ARHGAP10: variants seen among roughly 807,000 people sequenced by gnomAD.
ARHGAP10 encodes rho GTPase-activating protein 10.
ARHGAP10 carries 87 observed loss-of-function variants against 108.6 expected under a neutral mutation model. That is an observed-to-expected ratio of 0.80 (90% CI 0.67 to 0.96). The LOEUF (loss-of-function observed/expected upper bound fraction) is 0.96, where lower values mean the gene tolerates loss of function less well. Ranked by LOEUF, ARHGAP10 falls within the 40% of genes least tolerant of loss-of-function variation. The pLI is 0.00. For synonymous variants in ARHGAP10, 347 were observed against 341.1 expected (o/e 1.02, Z -0.19); for missense variants, 939 against 954.5 (o/e 0.98, Z 0.21).
intron 13 of ARHGAP10, among the ~76,000 whole-genome samples, chr4:147,917,922 T>TA (rs1360065864): frequency 6.6e-5 from 10 of 152,146 alleles, no homozygotes; most frequent in African/African-American, 1.9e-4. Flanking sequence ...AAGTTTATTG[T>TA]AAAAAAATCA....
rs781058772 is a variant in ARHGAP10 at position 147,944,226 on chromosome 4, AG to A, written c.1304-2386del. ...GTTATAAAGGATTGCACCTTTAATC[AG>A]GGGGCTTAATTTGATTTCTTGAATG... On this transcript the variant is annotated intron_variant, in intron 14 of 22. Coordinates refer to ENST00000336498, the MANE Select transcript of ARHGAP10 (RefSeq NM_024605.4). Among the ~76,000 whole-genome samples, 98 of 152,320 alleles carry A rather than the reference AG, an allele frequency of 6.4e-4. 3 individuals carry two copies. The highest frequency in any genetic ancestry group is 1.2e-3 in the African/African-American group (48 of 41,582).
At chr4:147,989,328 G>C (rs1740173322) in intron 18 of ARHGAP10, among the ~76,000 whole-genome samples, 1 of 152,250 alleles carries the variant, frequency 6.6e-6, no homozygotes, top group African/African-American at 2.4e-5. Flanking sequence ...ATGAAGTTTT[G>C]GGCACCATTG....
intron 10 of ARHGAP10, among the ~76,000 whole-genome samples, chr4:147,896,785 G>A (rs1232891403): frequency 6.6e-6 from 1 of 151,920 alleles, no homozygotes; most frequent in Non-Finnish European, 1.5e-5. Flanking sequence ...TGTTTCAGCT[G>A]TTTTTATTAT....
rs192515659 is a variant in ARHGAP10 at position 147,898,332 on chromosome 4, A to G, written c.1035-8306A>G. Among the ~76,000 whole-genome samples the G allele has an allele frequency of 1.8e-3, 273 of 152,038 alleles. 6 individuals are homozygous for G. The South Asian group carries it at 0.028, about 16-fold the overall frequency. On this transcript the variant is annotated intron_variant, in intron 10 of 22. Transcript: ENST00000336498. ...TTATACATCTTAAAGAAGTCATTTC[A>G]TTGTCTTCAGGCTTCCGTTTATTTT...
Position 147,940,727 on chromosome 4 carries a change from A to G in ARHGAP10, c.1303+828A>G, listed in dbSNP as rs540427639. The stretch of plus-strand genomic sequence containing the variant: ...TGTGAATGCATTCCAACCTGTCTGC[A>G]TCTTAAAACATTACAGCAAAGAGTC... On this transcript the variant is annotated intron_variant, in intron 14 of 22. Coordinates refer to ENST00000336498, the MANE Select transcript of ARHGAP10 (RefSeq NM_024605.4). Among the ~76,000 whole-genome samples the G allele has an allele frequency of 5.9e-5, 9 of 152,392 alleles. No individual in the cohort carries two copies. In the South Asian group the frequency reaches 1.2e-3, roughly 21 times the overall value.
intron 1 of ARHGAP10, among the ~76,000 whole-genome samples, chr4:147,732,992 C>T (rs1728283124): frequency 6.6e-6 from 1 of 152,304 alleles, no homozygotes; most frequent in African/African-American, 2.4e-5. Context: ...AGTCCTGTTC[C>T]AGGTCCTTCA....
At chr4:147,739,263 A>C (rs1008264515) in intron 1 of ARHGAP10, among the ~76,000 whole-genome samples, 1 of 152,130 alleles carries the variant, frequency 6.6e-6, no homozygotes, top group Non-Finnish European at 1.5e-5. Context: ...TATTTTCTAG[A>C]ATTTATTTTT....
At chr4:147,823,649 C>G (rs1473169611) in intron 3 of ARHGAP10, among the ~76,000 whole-genome samples, 1 of 152,066 alleles carries the variant, frequency 6.6e-6, no homozygotes, top group African/African-American at 2.4e-5. Context: ...CCCAGCTACT[C>G]AGGAGGCTGA....
At chr4:147,941,806 C>T (rs547593454) in intron 14 of ARHGAP10, among the ~76,000 whole-genome samples, 2 of 152,282 alleles carry the variant, frequency 1.3e-5, no homozygotes, top group South Asian at 4.1e-4. Context: ...CCAATACAAA[C>T]CTTAGCCCTT....
intron 1 of ARHGAP10, among the ~76,000 whole-genome samples, chr4:147,747,689 T>G (rs1728993189): frequency 6.6e-6 from 1 of 152,172 alleles, no homozygotes; most frequent in South Asian, 2.1e-4. Flanking sequence ...TAATCTGAAC[T>G]TTTTCTTCCC....
intron 1 of ARHGAP10, among the ~76,000 whole-genome samples, chr4:147,742,785 C>T (rs968648606): frequency 6.6e-6 from 1 of 151,830 alleles, no homozygotes. Flanking sequence ...GTGCCCAGCG[C>T]ATGTTTTTTT....
At chr4:147,937,866 C>A (rs992462999) in intron 13 of ARHGAP10, among the ~76,000 whole-genome samples, 7 of 152,206 alleles carry the variant, frequency 4.6e-5, no homozygotes, top group Admixed American at 2.6e-4. Context: ...GTAATCCCAG[C>A]TACTTGGGAG....
chr4:147,797,704 C>T (rs1180226534), intron 1 of ARHGAP10, among the ~76,000 whole-genome samples: 1 of 152,190 alleles, frequency 6.6e-6, no homozygotes, highest in Non-Finnish European at 1.5e-5. Flanking sequence ...AGCCGTTGCG[C>T]CTGGCCAGCC....
At chr4:147,771,486 T>G (rs1035955971) in intron 1 of ARHGAP10, among the ~76,000 whole-genome samples, 1 of 75,328 alleles carries the variant, frequency 1.3e-5, no homozygotes, top group Non-Finnish European at 4.3e-5. Flanking sequence ...TCTTTTATTT[T>G]AAAATGTATG....
At chr4:148,069,148 T>C (rs1730040382) in intron 22 of ARHGAP10, among the ~76,000 whole-genome samples, 2 of 152,140 alleles carry the variant, frequency 1.3e-5, no homozygotes, top group Non-Finnish European at 2.9e-5. Context: ...TGGGGTTCGA[T>C]GCTACTGAGA....
intron 13 of ARHGAP10, among the ~76,000 whole-genome samples, chr4:147,937,645 C>T (rs1459316876): frequency 6.6e-6 from 1 of 152,172 alleles, no homozygotes; most frequent in Non-Finnish European, 1.5e-5. Flanking sequence ...ATAGCAAAGA[C>T]ATGGACTCAG....
chr4:147,913,865 T>C lies in ARHGAP10; in HGVS notation c.1228+726T>C, dbSNP rs1177610724. Among the ~76,000 whole-genome samples the C allele has an allele frequency of 2.0e-5, 3 of 152,154 alleles. No homozygotes were observed. In the East Asian group the frequency reaches 5.8e-4, roughly 29 times the overall value. ...TTGTGTGGGTCCCTGTTTAAAAAAA[T>C]CAGCTTGCCAGACGTGGTGGCTCAC... On this transcript the variant is annotated intron_variant, in intron 13 of 22. Coordinates refer to ENST00000336498, the MANE Select transcript of ARHGAP10 (RefSeq NM_024605.4).
At chr4:147,787,325 AAC>A (rs1730927599) in intron 1 of ARHGAP10, among the ~76,000 whole-genome samples, 1 of 152,164 alleles carries the variant, frequency 6.6e-6, no homozygotes, top group South Asian at 2.1e-4. Context: ...GCAGGGTTGA[AAC>A]ACACAGATGA....
Position 147,985,060 on chromosome 4 carries a change from G to T in ARHGAP10, c.1716+18221G>T, listed in dbSNP as rs542013519. Reference sequence around the variant, plus strand: ...CCTGGTCTCAAGTTCTCTGCATGAGGCAGTGGAGCTGCCTAATCTCATCCA... The same window carrying T: ...CCTGGTCTCAAGTTCTCTGCATGAGTCAGTGGAGCTGCCTAATCTCATCCA... On this transcript the variant is annotated intron_variant, in intron 18 of 22. Transcript: ENST00000336498. 3.9e-5 allele frequency among the ~76,000 whole-genome samples: 6 copies of T among 152,308 alleles called. No homozygotes were observed. In the South Asian group the frequency reaches 1.2e-3, roughly 32 times the overall value.
Sources: allele counts gnomAD v4.1 joint callset (sites outside exome capture counted in the v4.1 genomes callset), GRCh38; gene constraint gnomAD v4.1.1; transcripts MANE v1.5; gene names NCBI Gene and HGNC (gene_info 2026-07-23, HGNC 2026-07-21).